ABLIM2: variants seen among roughly 807,000 people sequenced by gnomAD.
ABLIM2 encodes actin binding LIM protein family member 2.
A neutral mutation model predicts 97.7 loss-of-function variants in ABLIM2; 53 were observed. That is an observed-to-expected ratio of 0.54 (90% CI 0.44 to 0.68). ABLIM2 has a LOEUF of 0.68. Ranked by LOEUF, ABLIM2 falls within the 30% of genes least tolerant of loss-of-function variation. The pLI is 0.00. For synonymous variants in ABLIM2, 361 were observed against 345.8 expected, an observed-to-expected ratio of 1.04 and a Z score of -0.49; for missense variants, 835 against 867.2, an observed-to-expected ratio of 0.96 and a Z score of 0.47.
rs1255504910 is a variant in ABLIM2, at chr4:8,091,636, TATA to T, written c.339-3355_339-3353del. Among the ~76,000 whole-genome samples, 2 of 68,898 alleles carry T rather than the reference TATA, an allele frequency of 2.9e-5. 1 individual carries two copies. The highest frequency in any genetic ancestry group is 4.8e-5 in the Non-Finnish European group (2 of 41,276). 45.2% of individuals were successfully genotyped at this position (68,898 alleles called of 152,430 possible). A position where few individuals can be genotyped will look rare whatever the true frequency, so the allele number is the denominator to read the frequency against. On this transcript the variant is annotated intron_variant, in intron 3 of 20. Transcript: ENST00000447017. ...GTATAATTTTATATAAAATTATATATATAATTTTATATATTATATAATTATATA... is the reference window on the plus strand; with the variant it reads ...GTATAATTTTATATAAAATTATATATATTTTATATATTATATAATTATATA...
chr4:8,151,076 T>TA (rs1712547868), intron 1 of ABLIM2, among the ~76,000 whole-genome samples: 1 of 152,118 alleles, frequency 6.6e-6, no homozygotes, highest in Non-Finnish European at 1.5e-5. Context: ...CTGTACTTTT[T>TA]ATGTGGGGAA....
intron 6 of ABLIM2, among the ~76,000 whole-genome samples, chr4:8,074,169 C>A (rs530713445): frequency 6.7e-6 from 1 of 149,486 alleles, no homozygotes; most frequent in East Asian, 2.0e-4. Flanking sequence ...TAAAGCTAGA[C>A]CCTGCAGGGT....
In ABLIM2 at chr4:8,123,508, T is replaced by C. The variant is rs1172959669; in HGVS notation, c.11-16871A>G. On this transcript the variant is annotated intron_variant, in intron 1 of 20. Coordinates refer to ENST00000447017, the MANE Select transcript of ABLIM2 (RefSeq NM_001130083.2). The surrounding 1 kb of genome is among the most constrained non-coding windows in gnomAD (Gnocchi z 6.2). Reference sequence around the variant, plus strand: ...GATCTGCTGATTCAAGGGAGGCTGGTGTGAGGGAAGCATTTCCGGCATGTC... The same window carrying C: ...GATCTGCTGATTCAAGGGAGGCTGGCGTGAGGGAAGCATTTCCGGCATGTC... 6.6e-6 allele frequency among the ~76,000 whole-genome samples: 1 copy of C among 152,048 alleles called. No homozygotes were observed. The highest frequency in any genetic ancestry group is 2.4e-5 in the African/African-American group (1 of 41,402).
In ABLIM2 at chr4:8,043,563, C is replaced by A. The variant is rs1579582731; in HGVS notation, c.900+1601G>T. Among the ~76,000 whole-genome samples the A allele has an allele frequency of 6.6e-6, 1 of 152,032 alleles. No individual in the cohort carries two copies. The highest frequency in any genetic ancestry group is 1.9e-4 in the East Asian group (1 of 5,174). On this transcript the variant is annotated intron_variant, in intron 9 of 20. Coordinates refer to ENST00000447017, the MANE Select transcript of ABLIM2 (RefSeq NM_001130083.2). This position sits in a 1 kb window ranked among gnomAD's most constrained non-coding sequence, Gnocchi z 4.8. ...GGATCCAATCCAATCTGCCTGGTGT[C>A]CTTATGGGAAGAAATCAGGACCCGG...
intron 1 of ABLIM2, 92 bp from the exon 2 acceptor site, chr4:8,106,729 C>G: frequency 6.9e-7 from 1 of 1,458,086 alleles, no homozygotes; most frequent in Non-Finnish European, 9.1e-7. Context: ...ACAGCTGACC[C>G]TGCCAGCGGG....
chr4:8,005,201 C>T lies in ABLIM2; in HGVS notation c.1618+2858G>A, dbSNP rs11939078. Reference sequence around the variant, plus strand: ...GCGGCGGGATGCGTGTGCGCTCGCTCTGTCGGCGTCTCTGCCTCTCTCAGC... The same window carrying T: ...GCGGCGGGATGCGTGTGCGCTCGCTTTGTCGGCGTCTCTGCCTCTCTCAGC... On this transcript the variant is annotated intron_variant, in intron 16 of 20. Transcript: ENST00000447017. The surrounding 1 kb of genome is among the most constrained non-coding windows in gnomAD (Gnocchi z 4.9). 0.26 allele frequency: 113,304 copies of T among 437,630 alleles called. 15,443 individuals are homozygous for T. Among genetic ancestry groups the T allele is most frequent in the Non-Finnish European group, 0.31 (64,766 of 211,784 alleles). 27.1% of individuals were successfully genotyped at this position (437,630 alleles called of 1,614,324 possible). A position where few individuals can be genotyped will look rare whatever the true frequency, so the allele number is the denominator to read the frequency against.
rs1361641148 is a variant in ABLIM2, at chr4:7,996,491, C to G, written c.1619-3564G>C. Among the ~76,000 whole-genome samples, 1 of 152,206 alleles carries G rather than the reference C, an allele frequency of 6.6e-6. No individual in the cohort carries two copies. Among genetic ancestry groups the G allele is most frequent in the African/African-American group, 2.4e-5 (1 of 41,462 alleles). On this transcript the variant is annotated intron_variant, in intron 16 of 20. Transcript: ENST00000447017. This position sits in a 1 kb window ranked among gnomAD's most constrained non-coding sequence, Gnocchi z 4.5. The stretch of plus-strand genomic sequence containing the variant: ...CTTGCTTCCGCGAAGGCCATTTTAT[C>G]CTCCCCACTTTGACTATGATAGTCT...
intron 16 of ABLIM2, among the ~76,000 whole-genome samples, chr4:7,993,763 A>G (rs1360585183): frequency 1.3e-5 from 2 of 152,314 alleles, no homozygotes; most frequent in East Asian, 1.9e-4. Flanking sequence ...TCGTGAAATA[A>G]TAGAGGGCTG....
At chr4:8,143,003 C>T (rs1851226063) in intron 1 of ABLIM2, among the ~76,000 whole-genome samples, 1 of 152,208 alleles carries the variant, frequency 6.6e-6, no homozygotes, top group South Asian at 2.1e-4. Flanking sequence ...CTTCCCTCCC[C>T]TCTGCAGGCC....
rs1762671158 is a variant in ABLIM2 at position 8,008,286 on chromosome 4, T to G, written c.1477-86A>C. 3.8e-6 allele frequency: 5 copies of G among 1,317,882 alleles called. No homozygotes were observed. The South Asian group carries it at 6.8e-5, about 18-fold the overall frequency. 81.6% of individuals were successfully genotyped at this position (1,317,882 alleles called of 1,614,324 possible). A position where few individuals can be genotyped will look rare whatever the true frequency, so the allele number is the denominator to read the frequency against. On this transcript the variant is annotated intron_variant, in intron 15 of 20. Transcript: ENST00000447017. ...CACTGGACCCTTCTTGTAGCTTCCT[T>G]ACTTCTAACATACGAGCTGACCCCA...
Position 8,128,478 on chromosome 4 carries a change from A to T in ABLIM2, c.11-21841T>A. Reference sequence around the variant, plus strand: ...TACCGAAACATGGCTAGCACCACGCAGAACAGAGTTTTAGATTTTATTTAA... The same window carrying T: ...TACCGAAACATGGCTAGCACCACGCTGAACAGAGTTTTAGATTTTATTTAA... On this transcript the variant is annotated intron_variant, in intron 1 of 20. Coordinates refer to ENST00000447017, the MANE Select transcript of ABLIM2 (RefSeq NM_001130083.2). The surrounding 1 kb of genome is among the most constrained non-coding windows in gnomAD (Gnocchi z 4.9). Among the ~76,000 whole-genome samples the T allele has an allele frequency of 6.6e-6, 1 of 152,222 alleles. No homozygotes were observed. Among genetic ancestry groups the T allele is most frequent in the East Asian group, 1.9e-4 (1 of 5,196 alleles).
intron 1 of ABLIM2, among the ~76,000 whole-genome samples, chr4:8,115,718 C>T (rs1047587907): frequency 6.6e-6 from 1 of 152,170 alleles, no homozygotes; most frequent in South Asian, 2.1e-4. Context: ...AACACTATGT[C>T]GACCCTTCTC....
rs1172075586 is a variant in ABLIM2, at chr4:8,071,088, T to C, written c.675+6540A>G. Among the ~76,000 whole-genome samples, 1 of 152,192 alleles carries C rather than the reference T, an allele frequency of 6.6e-6. No homozygotes were observed. The highest frequency in any genetic ancestry group is 1.5e-5 in the Non-Finnish European group (1 of 68,018). Reference sequence around the variant, plus strand: ...TCCTCATCCACACCTCCTCCCTTTATGCAGCCCTGGTCTAGAGGCTGGTCA... The same window carrying C: ...TCCTCATCCACACCTCCTCCCTTTACGCAGCCCTGGTCTAGAGGCTGGTCA... On this transcript the variant is annotated intron_variant, in intron 6 of 20. Transcript: ENST00000447017. The surrounding 1 kb of genome is among the most constrained non-coding windows in gnomAD (Gnocchi z 6.2).
intron 2 of ABLIM2, among the ~76,000 whole-genome samples, chr4:8,104,399 A>T (rs1177282852): frequency 6.6e-6 from 1 of 152,184 alleles, no homozygotes; most frequent in Admixed American, 6.5e-5. Context: ...TTGTCAGGGC[A>T]GTGGTATTGG....
intron 14 of ABLIM2, chr4:8,010,429 C>T: frequency 1.0e-6 from 1 of 985,924 alleles, no homozygotes; most frequent in Non-Finnish European, 1.2e-6. Flanking sequence ...GGGCTTCTTA[C>T]CTGCAGCGGG....
At chr4:8,099,221 C>G (rs1160962609) in intron 2 of ABLIM2, among the ~76,000 whole-genome samples, 1 of 152,360 alleles carries the variant, frequency 6.6e-6, no homozygotes, top group East Asian at 1.9e-4. Flanking sequence ...TGGGGAGAAG[C>G]AGAGACTTGG....
chr4:7,980,025 G>T (rs993469486), intron 20 of ABLIM2, among the ~76,000 whole-genome samples: 4 of 152,172 alleles, frequency 2.6e-5, no homozygotes, highest in Non-Finnish European at 5.9e-5. Context: ...ACTGGGTGCT[G>T]GAGACATAAT....
Position 8,068,011 on chromosome 4 carries a change from C to A in ABLIM2, c.676-6957G>T, listed in dbSNP as rs1809147890. 6.6e-6 allele frequency among the ~76,000 whole-genome samples: 1 copy of A among 152,104 alleles called. No homozygotes were observed. The highest frequency in any genetic ancestry group is 2.4e-5 in the African/African-American group (1 of 41,422). On this transcript the variant is annotated intron_variant, in intron 6 of 20. Coordinates refer to ENST00000447017, the MANE Select transcript of ABLIM2 (RefSeq NM_001130083.2). This position sits in a 1 kb window ranked among gnomAD's most constrained non-coding sequence, Gnocchi z 4.5. ...GCGGCCATCGATGGGCTGATGGAGTCAAAAATTAGAAGTGTCCTCATTCCC... is the reference window on the plus strand; with the variant it reads ...GCGGCCATCGATGGGCTGATGGAGTAAAAAATTAGAAGTGTCCTCATTCCC...
rs1010418843 is a variant in ABLIM2 at position 8,132,860 on chromosome 4, C to T, written c.10+25820G>A. ...TGAAAGTGTCCAGCCCCTACCCGGG[C>T]ACGTGGTGGGCACTCGGTAATTGGC... On this transcript the variant is annotated intron_variant, in intron 1 of 20. Transcript: ENST00000447017. This position sits in a 1 kb window ranked among gnomAD's most constrained non-coding sequence, Gnocchi z 8.0. 3.9e-5 allele frequency among the ~76,000 whole-genome samples: 6 copies of T among 152,328 alleles called. 1 individual carries two copies. The highest frequency in any genetic ancestry group is 1.5e-5 in the Non-Finnish European group (1 of 68,014).
Sources: gnomAD v4.1 joint callset for allele counts (sites outside exome capture counted in the v4.1 genomes callset) on GRCh38, gnomAD v4.1.1 for gene constraint, Gnocchi (gnomAD v3.1) non-coding constraint, MANE v1.5 for transcripts, NCBI Gene and HGNC (gene_info 2026-07-23, HGNC 2026-07-21) for gene names.